Variants in DAB1 observed in about 807,000 individuals in gnomAD.
DAB1 encodes disabled homolog 1.
A neutral mutation model predicts 64.6 loss-of-function variants in DAB1; 15 were observed. That is an observed-to-expected ratio of 0.23 (90% CI 0.16 to 0.36). The LOEUF (loss-of-function observed/expected upper bound fraction) is 0.36. DAB1 is among the 10% of genes least tolerant of loss of function. The pLI is 1.00. For synonymous variants in DAB1, 235 were observed against 251.9 expected, an observed-to-expected ratio of 0.93 and a Z score of 0.64; for missense variants, 596 against 706.7, an observed-to-expected ratio of 0.84 and a Z score of 1.78.
At chr1:57,413,764 A>AG (rs1684293667) in intron 1 of DAB1, among the ~76,000 whole-genome samples, 1 of 150,842 alleles carries the variant, frequency 6.6e-6, no homozygotes, top group Non-Finnish European at 1.5e-5. Context: ...AAAAAAAAAA[A>AG]AAAATTCATC....
intron 6 of DAB1, among the ~76,000 whole-genome samples, chr1:57,786,040 A>G (rs1650322416): frequency 6.6e-6 from 1 of 152,162 alleles, no homozygotes; most frequent in Non-Finnish European, 1.5e-5. Context: ...AGCAGCTATC[A>G]ATATCAAAGC....
At chr1:57,365,808 G>A (rs922887657) in intron 1 of DAB1, among the ~76,000 whole-genome samples, 5 of 152,102 alleles carry the variant, frequency 3.3e-5, no homozygotes, top group African/African-American at 7.2e-5. Flanking sequence ...ACATTTATAC[G>A]GGCAGAAGTA....
intron 6 of DAB1, among the ~76,000 whole-genome samples, chr1:57,666,696 A>G (rs1239043927): frequency 6.6e-6 from 1 of 152,072 alleles, no homozygotes; most frequent in Non-Finnish European, 1.5e-5. Flanking sequence ...TAGTCCAACC[A>G]CTTCTCACCA....
intron 1 of DAB1, among the ~76,000 whole-genome samples, chr1:57,829,977 C>G (rs1264845491): frequency 6.6e-6 from 1 of 152,168 alleles, no homozygotes; most frequent in Non-Finnish European, 1.5e-5. Context: ...TACAGAGAGA[C>G]TGGTGCTTGT....
At chr1:57,695,769 G>A (rs1391525426) in intron 6 of DAB1, among the ~76,000 whole-genome samples, 1 of 152,022 alleles carries the variant, frequency 6.6e-6, no homozygotes, top group Non-Finnish European at 1.5e-5. Context: ...GTGTGATGGC[G>A]AGCACCTGTA....
chr1:58,149,686 A>C (rs1654812252), intron 5 of DAB1, among the ~76,000 whole-genome samples: 1 of 152,210 alleles, frequency 6.6e-6, no homozygotes, highest in African/African-American at 2.4e-5. Context: ...ACATACGCAC[A>C]CACACCTTGC....
At chr1:58,230,877 G>T (rs931234403) in intron 4 of DAB1, among the ~76,000 whole-genome samples, 1 of 152,292 alleles carries the variant, frequency 6.6e-6, no homozygotes, top group East Asian at 1.9e-4. Context: ...CAGCACCATG[G>T]TTGGCAGTAT....
intron 6 of DAB1, among the ~76,000 whole-genome samples, chr1:57,698,909 C>A (rs1294005156): frequency 6.6e-6 from 1 of 152,184 alleles, no homozygotes; most frequent in East Asian, 1.9e-4. Context: ...TACTGGCATG[C>A]TTTCCATGTT....
At chr1:57,175,934 T>C (rs1569752101) in intron 2 of DAB1, among the ~76,000 whole-genome samples, 3 of 152,204 alleles carry the variant, frequency 2.0e-5, no homozygotes, top group Admixed American at 1.3e-4. Context: ...AAAAGCATTA[T>C]AGCATAGCAG....
intron 3 of DAB1, among the ~76,000 whole-genome samples, chr1:58,480,071 C>T (rs554544940): frequency 4.2e-4 from 64 of 152,238 alleles, no homozygotes; most frequent in Admixed American, 2.0e-3. Context: ...TTAAATAACT[C>T]GTATTTCCAC....
At chr1:57,668,802 A>G (rs1646477312) in intron 6 of DAB1, among the ~76,000 whole-genome samples, 2 of 152,102 alleles carry the variant, frequency 1.3e-5, no homozygotes, top group Admixed American at 1.3e-4. Flanking sequence ...CTCAAACTCC[A>G]TGTCTGAAGA....
intron 7 of DAB1, among the ~76,000 whole-genome samples, chr1:57,577,177 G>T (rs947242): frequency 6.6e-6 from 1 of 152,076 alleles, no homozygotes; most frequent in Non-Finnish European, 1.5e-5. Context: ...GATAATTTTT[G>T]CTATTACACG....
At chr1:57,229,806 T>C (rs980030750) in intron 2 of DAB1, among the ~76,000 whole-genome samples, 1 of 152,140 alleles carries the variant, frequency 6.6e-6, no homozygotes, top group Non-Finnish European at 1.5e-5. Context: ...GTTGGAAGAG[T>C]TGAATTTGCC....
chr1:57,177,023 C>T lies in DAB1; in HGVS notation c.68-31594G>A, dbSNP rs112794020. ...CAGACTACCCACATTTGCCTAAAAGCGGGACATAAATTTGTAAATGTGTCC... is the reference window on the plus strand; with the variant it reads ...CAGACTACCCACATTTGCCTAAAAGTGGGACATAAATTTGTAAATGTGTCC... On this transcript the variant is annotated intron_variant, in intron 2 of 14. Transcript: ENST00000371236. Among the ~76,000 whole-genome samples the T allele has an allele frequency of 1.0e-2, 1,442 of 144,814 alleles. 28 individuals are homozygous for T. Among genetic ancestry groups the T allele is most frequent in the African/African-American group, 0.036 (1,370 of 38,178 alleles).
At chr1:57,702,791 T>C (rs3131777) in intron 6 of DAB1, among the ~76,000 whole-genome samples, 60,991 of 152,000 alleles carry the variant, frequency 0.4, 12,953 homozygotes, top group African/African-American at 0.55. Flanking sequence ...CTTCAAACTA[T>C]ACCACAGGGC....
At chr1:57,689,943 C>A (rs1396510451) in intron 6 of DAB1, among the ~76,000 whole-genome samples, 1 of 152,046 alleles carries the variant, frequency 6.6e-6, no homozygotes, top group Non-Finnish European at 1.5e-5. Flanking sequence ...TAATTCTATT[C>A]TCTATCTCTG....
rs149631806 is a variant in DAB1, at chr1:57,998,951, C to T, written n.388-114789G>A. On this transcript the variant is annotated intron_variant and non_coding_transcript_variant, in intron 5 of 20. Coordinates refer to the DAB1 transcript ENST00000485760. ...GCAATGCTGGCTCTCCATTTATCTT[C>T]CTGCAGGGAATTGGTCCCACTGAGA... Among the ~76,000 whole-genome samples, 19 of 152,274 alleles carry T rather than the reference C, an allele frequency of 1.2e-4. No individual in the cohort carries two copies. In the East Asian group the frequency reaches 3.7e-3, roughly 29 times the overall value.
At chr1:57,780,135 C>A (rs1240808005) in intron 6 of DAB1, among the ~76,000 whole-genome samples, 1 of 152,096 alleles carries the variant, frequency 6.6e-6, no homozygotes, top group Non-Finnish European at 1.5e-5. Flanking sequence ...CTAGAGCTAT[C>A]AGGATTCTGA....
At chr1:57,461,991 TC>T (rs1172167991) in intron 7 of DAB1, among the ~76,000 whole-genome samples, 4 of 137,592 alleles carry the variant, frequency 2.9e-5, no homozygotes, top group African/African-American at 1.1e-4. Flanking sequence ...CTTGTCCTTG[TC>T]CCCCAGGCTC....
Sources: gnomAD v4.1 joint callset for allele counts (sites outside exome capture counted in the v4.1 genomes callset) on GRCh38, gnomAD v4.1.1 for gene constraint, MANE v1.5 for transcripts, NCBI Gene and HGNC (gene_info 2026-07-23, HGNC 2026-07-21) for gene names.